Variants in NBAS observed in about 807,000 individuals in gnomAD.
The protein encoded by NBAS is NAG/BC035112 fusion.
A neutral mutation model predicts 302.5 loss-of-function variants in NBAS; 219 were observed. The ratio of observed to expected loss-of-function variants is 0.72; its 90% CI spans 0.65 to 0.81. NBAS has a LOEUF of 0.81. Ranked by LOEUF, NBAS falls within the 30% of genes least tolerant of loss-of-function variation. The probability of loss-of-function intolerance (pLI) is 0.00; values close to 1 mark genes in which losing one functional copy is unlikely to be tolerated. For missense variants in NBAS, 2,932 were observed against 2,841.6 expected (o/e 1.03, Z -0.72); for synonymous variants, 1,118 against 1,021.6 (o/e 1.09, Z -1.80).
intron 6 of NBAS, among the ~76,000 whole-genome samples, chr2:15,540,700 T>C (rs1052621708): frequency 6.8e-6 from 1 of 147,490 alleles, no homozygotes; most frequent in African/African-American, 2.5e-5. Context: ...AATGAGCAAA[T>C]ATATGCCTTT....
the NBAS span, among the ~76,000 whole-genome samples, chr2:15,029,506 G>A: frequency 6.6e-6 from 1 of 152,212 alleles, no homozygotes; most frequent in Admixed American, 6.5e-5. Flanking sequence ...AGTCAAACTA[G>A]AGTAATTTCA....
At chr2:15,085,758 G>A in the NBAS span, among the ~76,000 whole-genome samples, 1 of 152,194 alleles carries the variant, frequency 6.6e-6, no homozygotes, top group Non-Finnish European at 1.5e-5. Context: ...TCTCCCCACT[G>A]TGGGCACCAG....
At chr2:15,490,098 G>A (rs1680791170) in intron 11 of NBAS, among the ~76,000 whole-genome samples, 1 of 92,632 alleles carries the variant, frequency 1.1e-5, no homozygotes, top group African/African-American at 3.5e-5. Context: ...CTCCAGTATT[G>A]GGGTCAAATA....
intron 25 of NBAS, among the ~76,000 whole-genome samples, chr2:15,410,423 T>C (rs751882698): frequency 6.6e-6 from 1 of 152,168 alleles, no homozygotes; most frequent in Non-Finnish European, 1.5e-5. Flanking sequence ...TATTTAATAC[T>C]TTTTCATAAA....
At chr2:15,402,756 A>G (rs1676216005) in intron 25 of NBAS, among the ~76,000 whole-genome samples, 1 of 151,188 alleles carries the variant, frequency 6.6e-6, no homozygotes, top group Middle Eastern at 3.4e-3. Flanking sequence ...GAGTGCTGAC[A>G]TTCTATTCAA....
At chr2:15,200,932 T>C (rs1162195331) in intron 48 of NBAS, among the ~76,000 whole-genome samples, 1 of 152,252 alleles carries the variant, frequency 6.6e-6, no homozygotes, top group East Asian at 1.9e-4. Flanking sequence ...TTGCTTATTT[T>C]ATCTTTAGAA....
chr2:14,941,645 G>A, the NBAS span, among the ~76,000 whole-genome samples: 27 of 152,282 alleles, frequency 1.8e-4, no homozygotes, highest in African/African-American at 4.3e-4. Flanking sequence ...TGTGTCACCC[G>A]CTCCCACAGA....
the NBAS span, among the ~76,000 whole-genome samples, chr2:15,140,895 A>G: frequency 6.6e-6 from 1 of 152,232 alleles, no homozygotes; most frequent in East Asian, 1.9e-4. Context: ...TACATTTTTC[A>G]GAAATTCTTT....
chr2:15,085,645 C>G, the NBAS span, among the ~76,000 whole-genome samples: 3 of 152,158 alleles, frequency 2.0e-5, no homozygotes, highest in Non-Finnish European at 2.9e-5. Context: ...CTGCAGCCAC[C>G]CAAGTCAGGA....
intron 50 of NBAS, chr2:15,179,338 G>T (rs1010190425): frequency 3.4e-6 from 2 of 584,542 alleles, no homozygotes; most frequent in Non-Finnish European, 6.1e-6. Context: ...GATATTCATC[G>T]ACAATATTGC....
At chr2:14,836,344 G>GT in the NBAS span, among the ~76,000 whole-genome samples, 1,089 of 151,616 alleles carry the variant, frequency 7.2e-3, 12 homozygotes, top group African/African-American at 0.025. Context: ...TTGTGTCTAG[G>GT]TTTTTTTAAA....
the NBAS span, among the ~76,000 whole-genome samples, chr2:14,925,778 G>A: frequency 6.6e-6 from 1 of 152,092 alleles, no homozygotes; most frequent in Non-Finnish European, 1.5e-5. Flanking sequence ...ACTATACTGT[G>A]AGCCCCCAAA....
chr2:15,223,977 ATTTTTAAAAATTTGCT>A (rs1441088124), intron 47 of NBAS, among the ~76,000 whole-genome samples: 1 of 152,172 alleles, frequency 6.6e-6, no homozygotes, highest in Non-Finnish European at 1.5e-5. Flanking sequence ...TTAGTACGCT[ATTTTTAAAAATTTGCT>A]GATAAAGGAA....
intron 48 of NBAS, among the ~76,000 whole-genome samples, chr2:15,200,554 C>T (rs1283223295): frequency 1.3e-5 from 2 of 152,152 alleles, no homozygotes; most frequent in Non-Finnish European, 2.9e-5. Context: ...AAATAGTTTA[C>T]AGGCACCTGT....
chr2:15,055,914 A>G, the NBAS span, among the ~76,000 whole-genome samples: 1 of 152,368 alleles, frequency 6.6e-6, no homozygotes, highest in Admixed American at 6.5e-5. Context: ...TGATACCATC[A>G]TAGTATAAAT....
chr2:15,468,443 C>A lies in NBAS; in HGVS notation c.1816G>T (p.Gly606Ter). 6.2e-7 allele frequency: 1 copy of A among 1,614,054 alleles called. No homozygotes were observed. Among genetic ancestry groups the A allele is most frequent in the Non-Finnish European group, 8.5e-7 (1 of 1,179,976 alleles). Residue 606 changes from glycine (G) to a stop codon, truncating the protein, a stop_gained, in exon 17 of 52, where the codon GGA (glycine) becomes TGA (stop). Coordinates refer to ENST00000281513, the MANE Select transcript of NBAS (RefSeq NM_015909.4). LOFTEE classifies it high-confidence loss of function. ...GCCTCCAGGTCTGTGCCTTTTAATC[C>A]ATACTGAAGCAGTTCTTTTGCAGCA... is the stretch of plus-strand genomic sequence containing the variant. ...VDAAKELLQY[G>*]LKGTDLEALL...
the NBAS span, among the ~76,000 whole-genome samples, chr2:14,843,103 A>T: frequency 2.0e-5 from 3 of 152,168 alleles, no homozygotes; most frequent in African/African-American, 4.8e-5. Context: ...AAAAGCATTT[A>T]ATAAAATTCA....
chr2:15,158,535 TCCAGTTA>T, the NBAS span, among the ~76,000 whole-genome samples: 5 of 152,218 alleles, frequency 3.3e-5, no homozygotes, highest in Admixed American at 1.3e-4. Context: ...TTGCTGGGTT[TCCAGTTA>T]CCTGTTCTCT....
intron 12 of NBAS, among the ~76,000 whole-genome samples, chr2:15,486,241 T>C (rs1038695404): frequency 2.0e-5 from 3 of 152,208 alleles, no homozygotes; most frequent in Non-Finnish European, 2.9e-5. Context: ...GTTTTCAGTT[T>C]TGTGAGCCCC....
Sources: gnomAD v4.1 joint callset for allele counts (sites outside exome capture counted in the v4.1 genomes callset) on GRCh38, gnomAD v4.1.1 for gene constraint, MANE v1.5 for transcripts, NCBI Gene and HGNC (gene_info 2026-07-23, HGNC 2026-07-21) for gene names.